Variants in CADPS2 observed in about 807,000 individuals in gnomAD.
CADPS2 encodes calcium dependent secretion activator 2, also known as calcium-dependent secretion activator 2.
Under a neutral mutation model 172.5 loss-of-function variants are expected in CADPS2, and 93 were observed. The ratio of observed to expected loss-of-function variants is 0.54; its 90% CI spans 0.46 to 0.64. The LOEUF (loss-of-function observed/expected upper bound fraction) is 0.64, where lower values mean the gene tolerates loss of function less well. CADPS2 is among the 30% of genes least tolerant of loss of function. CADPS2 has a pLI of 0.00. For synonymous variants in CADPS2, 546 were observed against 555.2 expected (o/e 0.98, Z 0.23); for missense variants, 1,420 against 1,565.9 (o/e 0.91, Z 1.57).
intron 20 of CADPS2, among the ~76,000 whole-genome samples, chr7:122,399,656 G>A (rs1585630669): frequency 1.1e-5 from 1 of 94,550 alleles, no homozygotes; most frequent in South Asian, 3.3e-4. Flanking sequence ...TCAAGGGTGG[G>A]TTTCTTTTTT....
intron 2 of CADPS2, among the ~76,000 whole-genome samples, chr7:122,708,129 T>C (rs187029969): frequency 6.6e-6 from 1 of 151,894 alleles, no homozygotes; most frequent in Admixed American, 6.6e-5. Flanking sequence ...TTAGAAAAAA[T>C]CCTGATATAA....
intron 17 of CADPS2, among the ~76,000 whole-genome samples, chr7:122,418,439 A>G (rs10277048): frequency 0.077 from 11,785 of 152,224 alleles, 1,185 homozygotes; most frequent in African/African-American, 0.24. Flanking sequence ...TTTAAGTAAG[A>G]TAATAAGTAG....
intron 7 of CADPS2, among the ~76,000 whole-genome samples, chr7:122,571,426 G>A (rs1222848838): frequency 6.6e-6 from 1 of 151,962 alleles, no homozygotes; most frequent in African/African-American, 2.4e-5. Flanking sequence ...ACCTACAAAG[G>A]ACACCATAGA....
At chr7:122,565,016 C>T (rs1221873080) in intron 7 of CADPS2, among the ~76,000 whole-genome samples, 3 of 151,736 alleles carry the variant, frequency 2.0e-5, no homozygotes, top group African/African-American at 7.3e-5. Flanking sequence ...GGGAGTGAAA[C>T]AATGGGTATA....
At chr7:122,542,739 T>C (rs1318773555) in intron 8 of CADPS2, among the ~76,000 whole-genome samples, 3 of 152,066 alleles carry the variant, frequency 2.0e-5, no homozygotes, top group Admixed American at 2.0e-4. Flanking sequence ...GCCCTGTTCA[T>C]CATAGTCTAC....
chr7:122,545,565 T>C (rs543493119), intron 8 of CADPS2, among the ~76,000 whole-genome samples: 2 of 152,072 alleles, frequency 1.3e-5, no homozygotes, highest in Non-Finnish European at 2.9e-5. Flanking sequence ...TTAGTAGAGA[T>C]ATAATTGTAT....
chr7:122,572,930 T>C (rs1002954402), intron 7 of CADPS2, among the ~76,000 whole-genome samples: 4 of 152,084 alleles, frequency 2.6e-5, no homozygotes, highest in Non-Finnish European at 4.4e-5. Context: ...TTTCCGTAAA[T>C]AGGTATTTGC....
chr7:122,399,954 G>A (rs756380610), intron 20 of CADPS2, among the ~76,000 whole-genome samples: 16 of 148,186 alleles, frequency 1.1e-4, no homozygotes, highest in Non-Finnish European at 1.6e-4. Context: ...GATTACAGGC[G>A]TGAGCCACCG....
intron 1 of CADPS2, among the ~76,000 whole-genome samples, chr7:122,781,734 G>T (rs1172196619): frequency 6.6e-6 from 1 of 151,906 alleles, no homozygotes; most frequent in Non-Finnish European, 1.5e-5. Flanking sequence ...ATACTATATT[G>T]ATTGTAATGA....
intron 3 of CADPS2, among the ~76,000 whole-genome samples, chr7:122,655,237 G>T (rs1417337004): frequency 6.6e-6 from 1 of 152,216 alleles, no homozygotes; most frequent in African/African-American, 2.4e-5. Flanking sequence ...CAGTGGCAGG[G>T]TATGAGAGGA....
intron 8 of CADPS2, among the ~76,000 whole-genome samples, chr7:122,532,142 C>T (rs2061816486): frequency 6.6e-6 from 1 of 152,110 alleles, no homozygotes; most frequent in South Asian, 2.1e-4. Context: ...TTGGGAAATT[C>T]TATCAATTGG....
At chr7:122,635,098 T>G (rs913063672) in intron 3 of CADPS2, among the ~76,000 whole-genome samples, 9 of 152,164 alleles carry the variant, frequency 5.9e-5, no homozygotes, top group African/African-American at 2.2e-4. Context: ...ATGTTCTGTG[T>G]GCAGATGAGA....
Position 122,721,559 on chromosome 7 carries a change from C to T in CADPS2, c.453+15396G>A, listed in dbSNP as rs541953901. 6.0e-4 allele frequency among the ~76,000 whole-genome samples: 91 copies of T among 152,106 alleles called. No individual in the cohort carries two copies. In the South Asian group the frequency reaches 0.011, roughly 19 times the overall value. ...GAGGCAATAATTAATAGCCTACCAA[C>T]CAAAAAAAGTCCAGGACCAGATGGA... On this transcript the variant is annotated intron_variant, in intron 2 of 29. Transcript: ENST00000449022.
At chr7:122,320,726 A>C (rs2032252239) in intron 29 of CADPS2, among the ~76,000 whole-genome samples, 1 of 152,172 alleles carries the variant, frequency 6.6e-6, no homozygotes. Flanking sequence ...ATACTGAAAA[A>C]TACATTATAT....
chr7:122,779,656 C>T lies in CADPS2; in HGVS notation c.340-42588G>A, dbSNP rs569176419. Among the ~76,000 whole-genome samples the T allele has an allele frequency of 2.6e-5, 4 of 152,168 alleles. No homozygotes were observed. The East Asian group carries it at 7.7e-4, about 29-fold the overall frequency. On this transcript the variant is annotated intron_variant, in intron 1 of 29. Transcript: ENST00000449022. ...CTTCTTGGTTCACAAACTTTGTTTC[C>T]CCCCTTTCTAATAGTACTTCAACAT... is the stretch of plus-strand genomic sequence containing the variant.
intron 1 of CADPS2, among the ~76,000 whole-genome samples, chr7:122,750,584 AG>A (rs2092910574): frequency 6.6e-6 from 1 of 152,244 alleles, no homozygotes; most frequent in African/African-American, 2.4e-5. Context: ...TGTCTGAAAA[AG>A]CAGCTCAAAG....
chr7:122,690,488 A>G (rs977360358), intron 2 of CADPS2, among the ~76,000 whole-genome samples: 1 of 152,218 alleles, frequency 6.6e-6, no homozygotes, highest in African/African-American at 2.4e-5. Context: ...CCTTCCCCAC[A>G]GGAGGCCACA....
In CADPS2 at chr7:122,754,702, C is replaced by T. The variant is rs181079399; in HGVS notation, c.340-17634G>A. Among the ~76,000 whole-genome samples, 8 of 152,280 alleles carry T rather than the reference C, an allele frequency of 5.3e-5. No homozygotes were observed. The East Asian group carries it at 1.2e-3, about 22-fold the overall frequency. On this transcript the variant is annotated intron_variant, in intron 1 of 29. Transcript: ENST00000449022. ...AGTTGGCCAGGTTGGTCTCAAACTC[C>T]TGACTCAGGGGATCTGCCTGCCTCG...
rs542305233 is a variant in CADPS2, at chr7:122,838,834, G to A, written c.339+47165C>T. On this transcript the variant is annotated intron_variant, in intron 1 of 29. Coordinates refer to ENST00000449022, the MANE Select transcript of CADPS2 (RefSeq NM_017954.11). ...CTCATGGATAGGAAGAATCAATATC[G>A]TGAAAACGGTCATACTGCCCAAGGT... 4.6e-5 allele frequency among the ~76,000 whole-genome samples: 7 copies of A among 152,242 alleles called. No individual in the cohort carries two copies. In the South Asian group the frequency reaches 6.2e-4, roughly 14 times the overall value.
Sources: gnomAD v4.1 joint callset for allele counts (sites outside exome capture counted in the v4.1 genomes callset) on GRCh38, gnomAD v4.1.1 for gene constraint, MANE v1.5 for transcripts, NCBI Gene and HGNC (gene_info 2026-07-23, HGNC 2026-07-21) for gene names.